BNC2: variants seen among roughly 807,000 people sequenced by gnomAD.
The protein encoded by BNC2 is zinc finger protein basonuclin-2.
In BNC2, 20 loss-of-function variants were observed where a neutral mutation model predicts 76.3. That is an observed-to-expected ratio of 0.26 (90% CI 0.18 to 0.38). The LOEUF is 0.38. BNC2 is among the 10% of genes least tolerant of loss of function. BNC2 has a pLI of 1.00. For synonymous variants in BNC2, 582 were observed against 514.8 expected, an observed-to-expected ratio of 1.13 and a Z score of -1.77; for missense variants, 1,382 against 1,399.8, an observed-to-expected ratio of 0.99 and a Z score of 0.20.
At chr9:16,784,563 G>C (rs1315266497) in intron 1 of BNC2, among the ~76,000 whole-genome samples, 1 of 152,190 alleles carries the variant, frequency 6.6e-6, no homozygotes, top group Non-Finnish European at 1.5e-5. Context: ...CTACACTCAA[G>C]GAGGGATACT....
rs116961835 is a variant in BNC2 at position 16,747,056 on chromosome 9, T to G, written c.4-8571A>C. ...TCTGAAATTCTTCCCATTTTTAAAA[T>G]ATACAAAATATCACACCACGCAAAG... On this transcript the variant is annotated intron_variant, in intron 1 of 6. Transcript: ENST00000380672. Among the ~76,000 whole-genome samples the G allele has an allele frequency of 7.5e-3, 1,133 of 152,018 alleles. 4 individuals carry two copies. The highest frequency in any genetic ancestry group is 0.011 in the Non-Finnish European group (750 of 67,986).
intron 5 of BNC2, among the ~76,000 whole-genome samples, chr9:16,529,176 T>C (rs4961722): frequency 0.31 from 47,606 of 152,094 alleles, 8,345 homozygotes; most frequent in Non-Finnish European, 0.4. Context: ...CTTAAAATCC[T>C]TGACTTAATC....
intron 5 of BNC2, among the ~76,000 whole-genome samples, chr9:16,499,172 T>C (rs771573726): frequency 2.0e-5 from 3 of 150,540 alleles, no homozygotes; most frequent in African/African-American, 2.5e-5. Context: ...CTTTCTTATA[T>C]AAATAAGAAT....
chr9:16,542,078 T>C (rs1461907267), intron 5 of BNC2, among the ~76,000 whole-genome samples: 1 of 152,122 alleles, frequency 6.6e-6, no homozygotes, highest in Non-Finnish European at 1.5e-5. Flanking sequence ...TCACACTAAC[T>C]AGAAAGCTGC....
In BNC2 at chr9:16,778,910, C is replaced by G. The variant is rs529964019; in HGVS notation, c.4-40425G>C. On this transcript the variant is annotated intron_variant, in intron 1 of 6. Coordinates refer to ENST00000380672, the MANE Select transcript of BNC2 (RefSeq NM_017637.6). ...CAGGTTATGTTAAAGACTTCTGACC[C>G]CTAACATAAAACGATATTTTTAGAA... 1.7e-3 allele frequency among the ~76,000 whole-genome samples: 263 copies of G among 152,098 alleles called. 1 individual carries two copies. The highest frequency in any genetic ancestry group is 2.6e-3 in the Non-Finnish European group (177 of 67,984).
chr9:16,769,555 G>A (rs16935018), intron 1 of BNC2, among the ~76,000 whole-genome samples: 1 of 152,150 alleles, frequency 6.6e-6, no homozygotes, highest in African/African-American at 2.4e-5. Flanking sequence ...GCTCAGGGAG[G>A]CCATGCAGCT....
At chr9:16,538,580 G>A (rs553037517) in intron 5 of BNC2, among the ~76,000 whole-genome samples, 17 of 152,210 alleles carry the variant, frequency 1.1e-4, no homozygotes, top group Non-Finnish European at 2.1e-4. Context: ...TTAACTTGTC[G>A]AAACATTTTA....
intron 5 of BNC2, among the ~76,000 whole-genome samples, chr9:16,455,220 C>T (rs144067934): frequency 2.0e-5 from 3 of 152,106 alleles, no homozygotes; most frequent in Admixed American, 6.6e-5. Flanking sequence ...GTAGTTGAGT[C>T]CTGGCCAGAG....
At chr9:16,645,952 G>A (rs945983920) in intron 3 of BNC2, among the ~76,000 whole-genome samples, 3 of 152,228 alleles carry the variant, frequency 2.0e-5, no homozygotes, top group South Asian at 2.1e-4. Context: ...ATACATTATC[G>A]AAAATACACA....
At chr9:16,650,525 C>G (rs1010869222) in intron 3 of BNC2, among the ~76,000 whole-genome samples, 1 of 152,100 alleles carries the variant, frequency 6.6e-6, no homozygotes, top group African/African-American at 2.4e-5. Flanking sequence ...GCTGTTTTCA[C>G]AGTAGAAAAG....
At chr9:16,789,548 G>A (rs1271132091) in intron 1 of BNC2, among the ~76,000 whole-genome samples, 3 of 152,012 alleles carry the variant, frequency 2.0e-5, no homozygotes, top group Non-Finnish European at 4.4e-5. Flanking sequence ...CTTCTTCAAC[G>A]CAGCTTTTCC....
At chr9:16,458,995 T>C (rs1821515582) in intron 5 of BNC2, among the ~76,000 whole-genome samples, 1 of 152,170 alleles carries the variant, frequency 6.6e-6, no homozygotes, top group African/African-American at 2.4e-5. Flanking sequence ...AGAAAACACA[T>C]TCCTTCCCCT....
At chr9:16,479,382 C>T (rs1397578816) in intron 5 of BNC2, among the ~76,000 whole-genome samples, 1 of 152,084 alleles carries the variant, frequency 6.6e-6, no homozygotes, top group Non-Finnish European at 1.5e-5. Flanking sequence ...ACCACTTCAA[C>T]TGCTATCTCT....
chr9:16,559,718 CCA>C (rs1369577103), intron 4 of BNC2, among the ~76,000 whole-genome samples: 2 of 152,172 alleles, frequency 1.3e-5, no homozygotes, highest in Non-Finnish European at 1.5e-5. Flanking sequence ...TCATTATTCT[CCA>C]CAGTCTCTCC....
chr9:16,606,972 G>A (rs961702238), intron 3 of BNC2, among the ~76,000 whole-genome samples: 5 of 152,146 alleles, frequency 3.3e-5, no homozygotes, highest in Admixed American at 6.5e-5. Context: ...TATTGAGGCA[G>A]GGTCTCACTC....
intron 5 of BNC2, among the ~76,000 whole-genome samples, chr9:16,503,674 A>G (rs1822567854): frequency 6.6e-6 from 1 of 152,184 alleles, no homozygotes; most frequent in African/African-American, 2.4e-5. Context: ...AATAAGGCAT[A>G]TCTCAACTTT....
At chr9:16,654,718 A>G (rs1033956612) in intron 3 of BNC2, among the ~76,000 whole-genome samples, 3 of 152,138 alleles carry the variant, frequency 2.0e-5, no homozygotes, top group African/African-American at 2.4e-5. Flanking sequence ...CATGCCCCCA[A>G]ATTTATTTTC....
intron 3 of BNC2, among the ~76,000 whole-genome samples, chr9:16,665,450 G>GA (rs778470322): frequency 5.7e-5 from 6 of 105,632 alleles, no homozygotes; most frequent in African/African-American, 2.5e-4. Context: ...AAGAAAGAAA[G>GA]AAAGAAAGAA....
chr9:16,713,064 G>A (rs983482183), intron 3 of BNC2, among the ~76,000 whole-genome samples: 4 of 152,174 alleles, frequency 2.6e-5, no homozygotes, highest in African/African-American at 9.7e-5. Flanking sequence ...CAGGCCCATC[G>A]TCCTCCCCAT....
Sources: gnomAD v4.1 joint callset for allele counts (sites outside exome capture counted in the v4.1 genomes callset) on GRCh38, gnomAD v4.1.1 for gene constraint, MANE v1.5 for transcripts, NCBI Gene and HGNC (gene_info 2026-07-23, HGNC 2026-07-21) for gene names.